Variants in ROBO2 observed in about 807,000 individuals in gnomAD.
ROBO2 encodes the protein roundabout homolog 2.
A neutral mutation model predicts 160.8 loss-of-function variants in ROBO2; 53 were observed. The observed-to-expected ratio is 0.33, with a 90% CI of 0.26 to 0.41. The LOEUF is 0.41. Among genes scored for constraint, ROBO2 ranks in the 10% least tolerant of loss-of-function variants. The pLI is 1.00. For synonymous variants in ROBO2, 664 were observed against 611.7 expected (o/e 1.09, Z -1.26); for missense variants, 1,577 against 1,722.4 (o/e 0.92, Z 1.49).
chr3:76,714,361 G>A (rs1423972515), intron 2 of ROBO2, among the ~76,000 whole-genome samples: 1 of 152,152 alleles, frequency 6.6e-6, no homozygotes, highest in Non-Finnish European at 1.5e-5. Flanking sequence ...GCGTGGACGG[G>A]TGGGATCTGT....
intron 6 of ROBO2, among the ~76,000 whole-genome samples, chr3:77,543,971 C>A (rs2092592261): frequency 6.6e-6 from 1 of 152,122 alleles, no homozygotes; most frequent in African/African-American, 2.4e-5. Context: ...CAACACTCCT[C>A]ACTTGGCAAG....
intron 2 of ROBO2, among the ~76,000 whole-genome samples, chr3:76,502,702 G>C (rs1004146570): frequency 6.6e-6 from 1 of 152,112 alleles, no homozygotes; most frequent in African/African-American, 2.4e-5. Context: ...ATCCCCTTAA[G>C]TATTTATCCT....
chr3:77,317,383 TC>T, intron 2 of ROBO2: 1 of 1,071,380 alleles, frequency 9.3e-7, no homozygotes, highest in African/African-American at 1.6e-5. Context: ...TTGTCGGGGT[TC>T]CATTTCTCCG....
chr3:76,042,885 G>T (rs2067317024), intron 2 of ROBO2, among the ~76,000 whole-genome samples: 1 of 152,002 alleles, frequency 6.6e-6, no homozygotes, highest in African/African-American at 2.4e-5. Context: ...GAAATCTTCA[G>T]TGTTGTGAGC....
At chr3:76,561,846 G>A (rs186973959) in intron 2 of ROBO2, among the ~76,000 whole-genome samples, 58 of 152,106 alleles carry the variant, frequency 3.8e-4, no homozygotes, top group Non-Finnish European at 7.2e-4. Context: ...CCTTTTCTCC[G>A]TGCTATTCAT....
intron 2 of ROBO2, among the ~76,000 whole-genome samples, chr3:77,021,680 G>A (rs996257005): frequency 6.6e-6 from 1 of 152,164 alleles, no homozygotes; most frequent in Admixed American, 6.5e-5. Context: ...ATACTCAGAA[G>A]GTGAGACCTT....
chr3:76,723,754 G>T (rs1282122710), intron 2 of ROBO2, among the ~76,000 whole-genome samples: 1 of 152,110 alleles, frequency 6.6e-6, no homozygotes, highest in Non-Finnish European at 1.5e-5. Context: ...CTTTCATACT[G>T]CTATCAACAA....
At chr3:75,984,816 C>G (rs1050634932) in intron 2 of ROBO2, among the ~76,000 whole-genome samples, 1 of 151,356 alleles carries the variant, frequency 6.6e-6, no homozygotes, top group Admixed American at 6.6e-5. Context: ...CTGATCATTA[C>G]ATAATTCTGC....
chr3:76,218,530 G>C (rs9758406), intron 2 of ROBO2, among the ~76,000 whole-genome samples: 2 of 152,170 alleles, frequency 1.3e-5, no homozygotes, highest in Admixed American at 1.3e-4. Context: ...CAGACAAACA[G>C]AGAGCCAAAT....
intron 1 of ROBO2, among the ~76,000 whole-genome samples, chr3:75,908,196 A>G (rs1436499721): frequency 6.6e-6 from 1 of 152,190 alleles, no homozygotes; most frequent in East Asian, 1.9e-4. Context: ...AAATTGAAAT[A>G]TCTTTCAAAT....
intron 2 of ROBO2, among the ~76,000 whole-genome samples, chr3:77,186,946 C>G (rs2081338300): frequency 6.6e-6 from 1 of 151,982 alleles, no homozygotes; most frequent in Non-Finnish European, 1.5e-5. Context: ...GATTATAACT[C>G]ACACTTGCGG....
intron 2 of ROBO2, among the ~76,000 whole-genome samples, chr3:77,145,001 C>A (rs903747573): frequency 2.0e-5 from 3 of 151,976 alleles, no homozygotes; most frequent in African/African-American, 7.3e-5. Context: ...TAGTCAGTTG[C>A]CCTGGCACAT....
chr3:76,089,364 C>A (rs534381094), intron 2 of ROBO2, among the ~76,000 whole-genome samples: 8 of 151,880 alleles, frequency 5.3e-5, no homozygotes, highest in East Asian at 1.9e-4. Flanking sequence ...ATAAAAAAAA[C>A]CAAAGATATT....
chr3:77,453,592 A>T (rs1582074573), intron 2 of ROBO2, among the ~76,000 whole-genome samples: 1 of 152,258 alleles, frequency 6.6e-6, no homozygotes, highest in East Asian at 1.9e-4. Flanking sequence ...TTTGTCAAGC[A>T]GCTATAATAA....
intron 4 of ROBO2, among the ~76,000 whole-genome samples, chr3:77,485,973 CT>C (rs142582864): frequency 0.013 from 2,047 of 152,170 alleles, 40 homozygotes; most frequent in African/African-American, 0.045. Flanking sequence ...TGTTGTTCCC[CT>C]GATGTGTTCA....
At chr3:76,624,646 A>G (rs1165466476) in intron 2 of ROBO2, among the ~76,000 whole-genome samples, 1 of 151,784 alleles carries the variant, frequency 6.6e-6, no homozygotes, top group Non-Finnish European at 1.5e-5. Context: ...TAAAAATACA[A>G]AAAATTAGCC....
At chr3:77,294,094 A>G (rs1580787165) in intron 2 of ROBO2, among the ~76,000 whole-genome samples, 1 of 140,280 alleles carries the variant, frequency 7.1e-6, no homozygotes, top group Non-Finnish European at 1.6e-5. Flanking sequence ...AGTAAAATTG[A>G]TGGTTAAACG....
chr3:76,139,638 G>A (rs979138086), intron 2 of ROBO2, among the ~76,000 whole-genome samples: 1 of 151,996 alleles, frequency 6.6e-6, no homozygotes, highest in Admixed American at 6.6e-5. Flanking sequence ...TGACCTCTGT[G>A]GGTCTCTTCC....
At chr3:76,417,645 C>T (rs2075809429) in intron 2 of ROBO2, among the ~76,000 whole-genome samples, 1 of 151,824 alleles carries the variant, frequency 6.6e-6, no homozygotes, top group Admixed American at 6.6e-5. Context: ...AAATGGTAAG[C>T]TTGTAATACA....
Sources: allele counts gnomAD v4.1 joint callset (sites outside exome capture counted in the v4.1 genomes callset), GRCh38; gene constraint gnomAD v4.1.1; transcripts MANE v1.5; gene names NCBI Gene and HGNC (gene_info 2026-07-23, HGNC 2026-07-21).